Variants in TRPC4AP observed in about 807,000 individuals in gnomAD.
The protein encoded by TRPC4AP is transient receptor potential cation channel subfamily C member 4 associated protein, also known as short transient receptor potential channel 4-associated protein.
A neutral mutation model predicts 99.0 loss-of-function variants in TRPC4AP; 45 were observed. The ratio of observed to expected loss-of-function variants is 0.45; its 90% CI spans 0.36 to 0.58. TRPC4AP has a LOEUF of 0.58. Among genes scored for constraint, TRPC4AP ranks in the 20% least tolerant of loss-of-function variants. The pLI is 0.00. For synonymous variants in TRPC4AP, 408 were observed against 385.8 expected, an observed-to-expected ratio of 1.06 and a Z score of -0.67; for missense variants, 879 against 985.3, an observed-to-expected ratio of 0.89 and a Z score of 1.44.
At position 35,044,498 on chromosome 20, in the gene TRPC4AP, A is replaced by C. The variant is rs770861546; in HGVS notation, c.865+7T>G. 2 of 1,612,422 alleles carry C rather than the reference A, an allele frequency of 1.2e-6. No individual in the cohort carries two copies. The highest frequency in any genetic ancestry group is 2.7e-5 in the African/African-American group (2 of 74,856). ...ATCTCAAAATTCTGAGAACTTGGAG[A>C]CTTTACCTTGATTGATTTCAGCTGC... On this transcript the variant is annotated splice_region_variant and intron_variant, in intron 7 of 18. Transcript: ENST00000252015.
chr20:35,065,609 C>T (rs767149555), intron 3 of TRPC4AP, among the ~76,000 whole-genome samples: 1 of 152,052 alleles, frequency 6.6e-6, no homozygotes, highest in Non-Finnish European at 1.5e-5. Flanking sequence ...ACAAATGCAC[C>T]CAAACTGAAG....
intron 3 of TRPC4AP, among the ~76,000 whole-genome samples, chr20:35,062,951 G>A (rs1600624920): frequency 6.6e-6 from 1 of 152,216 alleles, no homozygotes; most frequent in Non-Finnish European, 1.5e-5. Context: ...GGACGATTCT[G>A]TTGATATGAA....
chr20:35,039,682 C>T (rs1244849592), intron 7 of TRPC4AP, among the ~76,000 whole-genome samples: 1 of 152,084 alleles, frequency 6.6e-6, no homozygotes, highest in Non-Finnish European at 1.5e-5. Context: ...CTAAGTGTCA[C>T]TTATAAATTG....
At chr20:35,070,870 A>G (rs2145994965) in intron 2 of TRPC4AP, among the ~76,000 whole-genome samples, 1 of 152,324 alleles carries the variant, frequency 6.6e-6, no homozygotes, top group East Asian at 1.9e-4. Context: ...CAAAGCTAAG[A>G]GGAAAAAAAA....
At chr20:35,062,072 A>G (rs2084022016) in intron 3 of TRPC4AP, among the ~76,000 whole-genome samples, 1 of 152,238 alleles carries the variant, frequency 6.6e-6, no homozygotes, top group African/African-American at 2.4e-5. Flanking sequence ...ATTAGTCATC[A>G]GGGAAATGCA....
chr20:35,060,609 A>AAC (rs1486829794), intron 3 of TRPC4AP, among the ~76,000 whole-genome samples: 1 of 136,244 alleles, frequency 7.3e-6, no homozygotes, highest in African/African-American at 2.7e-5. Context: ...AAAAAAAAAA[A>AAC]ACAAGAAAAG....
At chr20:35,008,826 G>T (rs6088673) in intron 12 of TRPC4AP, 79 bp from the exon 13 acceptor site, 1 of 1,359,958 alleles carries the variant, frequency 7.4e-7, no homozygotes, top group Non-Finnish European at 1.0e-6. Context: ...TGCTGGCTTA[G>T]GCGGTGAAAA....
At chr20:35,021,063 AC>A (rs2082875330) in intron 9 of TRPC4AP, 126 bp downstream of exon 9, 2 of 992,288 alleles carry the variant, frequency 2.0e-6, no homozygotes, top group East Asian at 5.2e-5. Context: ...AAGGAGAAAT[AC>A]CCCTATGCTT....
chr20:35,068,956 C>CACACACA lies in TRPC4AP; in HGVS notation c.414+333_414+339dup, dbSNP rs200777856. 3.2e-3 allele frequency among the ~76,000 whole-genome samples: 169 copies of CACACACA among 53,160 alleles called. 2 individuals carry two copies. Among genetic ancestry groups the CACACACA allele is most frequent in the Middle Eastern group, 0.012 (1 of 82 alleles). The allele number at this position is 53,160 out of a possible 152,430, so 34.9% of individuals were successfully genotyped here. A position where few individuals can be genotyped will look rare whatever the true frequency, so the allele number is the denominator to read the frequency against. ...GTGGTGGGGAATATTTACACACACA[C>CACACACA]ACACACACACACACACACACACAAA... On this transcript the variant is annotated intron_variant, in intron 3 of 18. Transcript: ENST00000252015.
At chr20:35,080,430 G>A (rs1207484332) in intron 1 of TRPC4AP, among the ~76,000 whole-genome samples, 1 of 151,784 alleles carries the variant, frequency 6.6e-6, no homozygotes, top group Non-Finnish European at 1.5e-5. Context: ...GAGCCCAGGA[G>A]GCAGAGGTTG....
intron 8 of TRPC4AP, among the ~76,000 whole-genome samples, chr20:35,030,642 C>T (rs960864297): frequency 5.3e-5 from 8 of 152,114 alleles, no homozygotes; most frequent in African/African-American, 1.9e-4. Flanking sequence ...TTCTCCTCAC[C>T]GATTCCTAGG....
Position 35,078,199 on chromosome 20 carries a change from A to T in TRPC4AP, c.169-25T>A, listed in dbSNP as rs556481923. On this transcript the variant is annotated intron_variant, in intron 1 of 18. Coordinates refer to ENST00000252015, the MANE Select transcript of TRPC4AP (RefSeq NM_015638.3). ...ACTGTGAGTCAAAAAAAGAGAGAAC[A>T]TATTATTGTATTATTGATGATAATA... 4 of 1,608,296 alleles carry T rather than the reference A, an allele frequency of 2.5e-6. No individual in the cohort carries two copies. In the African/African-American group the frequency reaches 4.0e-5, roughly 16 times the overall value.
At chr20:35,034,505 CTCT>C (rs995334161) in intron 8 of TRPC4AP, among the ~76,000 whole-genome samples, 3 of 152,150 alleles carry the variant, frequency 2.0e-5, no homozygotes, top group African/African-American at 4.8e-5. Flanking sequence ...AGAACTTAGT[CTCT>C]TCAATTTGGA....
intron 6 of TRPC4AP, among the ~76,000 whole-genome samples, chr20:35,045,245 T>TG (rs1009714580): frequency 3.3e-5 from 5 of 152,362 alleles, no homozygotes; most frequent in African/African-American, 1.2e-4. Context: ...TACATGTTAC[T>TG]GCTCTGCATG....
intron 1 of TRPC4AP, among the ~76,000 whole-genome samples, chr20:35,092,219 C>T (rs2085088963): frequency 6.6e-6 from 1 of 151,998 alleles, no homozygotes; most frequent in Non-Finnish European, 1.5e-5. Context: ...GCTCGGGAAC[C>T]ATTTGGGGGC....
intron 1 of TRPC4AP, among the ~76,000 whole-genome samples, chr20:35,080,600 TATTA>T (rs2084614269): frequency 6.6e-6 from 1 of 150,762 alleles, no homozygotes; most frequent in African/African-American, 2.4e-5. Flanking sequence ...TGTCTGATTC[TATTA>T]ATTTAAAATG....
chr20:35,018,744 T>C (rs2082816142), intron 9 of TRPC4AP, among the ~76,000 whole-genome samples: 1 of 151,938 alleles, frequency 6.6e-6, no homozygotes, highest in African/African-American at 2.4e-5. Flanking sequence ...AGCAGGATGG[T>C]AGGCAGGTGG....
chr20:35,017,498 CCTT>C (rs2082781962), intron 9 of TRPC4AP, among the ~76,000 whole-genome samples: 1 of 152,124 alleles, frequency 6.6e-6, no homozygotes, highest in Non-Finnish European at 1.5e-5. Flanking sequence ...TATTACTAGC[CCTT>C]CTCGGGGCTG....
chr20:35,013,143 G>T (rs956211655), intron 10 of TRPC4AP, 77 bp from the exon 11 acceptor site: 33 of 1,394,546 alleles, frequency 2.4e-5, no homozygotes, highest in Non-Finnish European at 3.2e-5. Flanking sequence ...CACTCTGGTG[G>T]GAGCCTGCTT....
Sources: allele counts gnomAD v4.1 joint callset (sites outside exome capture counted in the v4.1 genomes callset), GRCh38; gene constraint gnomAD v4.1.1; transcripts MANE v1.5; gene names NCBI Gene and HGNC (gene_info 2026-07-23, HGNC 2026-07-21).